UBE2D4: variants seen among roughly 807,000 people sequenced by gnomAD.
UBE2D4 encodes the protein ubiquitin-conjugating enzyme E2 D4.
In UBE2D4, 17 loss-of-function variants were observed where a neutral mutation model predicts 23.0. That is an observed-to-expected ratio of 0.74 (90% CI 0.51 to 1.11). UBE2D4 has a LOEUF of 1.11. Ranked by LOEUF, UBE2D4 falls within the 50% of genes least tolerant of loss-of-function variation. UBE2D4 has a pLI of 0.00. For missense variants in UBE2D4, 139 were observed against 181.8 expected, an observed-to-expected ratio of 0.76 and a Z score of 1.35; for synonymous variants, 61 against 69.4, an observed-to-expected ratio of 0.88 and a Z score of 0.60.
At chr7:43,935,328 T>G (rs1482619640) in intron 1 of UBE2D4, among the ~76,000 whole-genome samples, 3 of 152,174 alleles carry the variant, frequency 2.0e-5, no homozygotes, top group Non-Finnish European at 4.4e-5. Context: ...CCACATAGCT[T>G]TGGAGAGTAT....
intron 4 of UBE2D4, 166 bp from the exon 5 acceptor site, chr7:43,948,466 A>C (rs979672071): frequency 1.7e-6 from 1 of 578,550 alleles, no homozygotes; most frequent in East Asian, 2.8e-5. Flanking sequence ...ACTCACTCCC[A>C]TATCCCATTA....
chr7:43,942,530 C>G (rs2095975403), intron 2 of UBE2D4: 6 of 557,020 alleles, frequency 1.1e-5, no homozygotes, highest in Non-Finnish European at 1.9e-5. Flanking sequence ...AGTAACACAT[C>G]CTGACTCCAC....
At chr7:43,933,017 C>CAG (rs2095950027) in intron 1 of UBE2D4, among the ~76,000 whole-genome samples, 1 of 95,270 alleles carries the variant, frequency 1.0e-5, no homozygotes, top group Admixed American at 1.0e-4. Context: ...TATATATACA[C>CAG]ACACATATAT....
At chr7:43,929,865 C>T (rs2095941652) in intron 1 of UBE2D4, among the ~76,000 whole-genome samples, 1 of 152,200 alleles carries the variant, frequency 6.6e-6, no homozygotes, top group Non-Finnish European at 1.5e-5. Flanking sequence ...TGTGTCAAGC[C>T]TGCCGTGGTG....
chr7:43,935,410 C>A (rs1330597028), intron 1 of UBE2D4, among the ~76,000 whole-genome samples: 1 of 152,036 alleles, frequency 6.6e-6, no homozygotes, highest in African/African-American at 2.4e-5. Flanking sequence ...TACAGAATAC[C>A]ATAAAAGACC....
In UBE2D4 at chr7:43,943,004, T is replaced by C; in HGVS notation, c.171T>C (p.Pro57=). Residue 57 remains proline, a synonymous_variant, in exon 4 of 7, where the codon CCT becomes CCC. Transcript: ENST00000222402. ...GGVFFLTIHF[P]TDYPFKPPKV... is the part of the protein sequence containing the mutation. ...TTTTCTTCCTGACCATCCACTTTCC[T>C]ACAGATTACCCGTTCAAGCCCCCAA... 6.2e-7 allele frequency: 1 copy of C among 1,614,182 alleles called. No individual in the cohort carries two copies. The highest frequency in any genetic ancestry group is 8.5e-7 in the Non-Finnish European group (1 of 1,180,026).
chr7:43,941,975 G>A (rs896365962), intron 2 of UBE2D4: 2 of 152,076 alleles, frequency 1.3e-5, no homozygotes, highest in Admixed American at 6.5e-5. Context: ...CGTAGGGGGC[G>A]ATCTGTAAGA....
intron 2 of UBE2D4, among the ~76,000 whole-genome samples, chr7:43,939,014 A>G (rs75927590): frequency 0.072 from 11,026 of 152,318 alleles, 516 homozygotes; most frequent in Middle Eastern, 0.14. Flanking sequence ...ACTGCCTCTC[A>G]TGTCCCATAG....
chr7:43,942,405 A>G (rs1000831721), intron 2 of UBE2D4: 1 of 312,942 alleles, frequency 3.2e-6, no homozygotes, highest in South Asian at 3.6e-5. Flanking sequence ...GGGCATTCAA[A>G]TAAGTCAGTC....
At position 43,950,709 on chromosome 7, in the gene UBE2D4, G is replaced by C. The variant is rs754828218; in HGVS notation, c.398+17G>C. The C allele has an allele frequency of 2.5e-6, 4 of 1,609,312 alleles. No homozygotes were observed. The South Asian group carries it at 4.4e-5, about 18-fold the overall frequency. On this transcript the variant is annotated intron_variant, in intron 6 of 6. Transcript: ENST00000222402. ...CAGAGAGAAGTACGTGTCCTCTTTG[G>C]GTTGCCTTTGCACCATGGCTGCCCC...
Position 43,948,658 on chromosome 7 carries a change from C to A in UBE2D4, c.225C>A (p.His75Gln). ...TTGCTTTCACAACCAAAATTTATCA[C>A]CCTAATATCAACAGCAATGGCAGCA... ...PKVAFTTKIY[H>Q]PNINSNGSIC... Residue 75 changes from histidine (H) to glutamine (Q), a missense_variant, in exon 5 of 7, where the codon CAC (histidine) becomes CAA (glutamine). Physicochemically the swap from His to Gln is conservative, Grantham distance 24. Coordinates refer to ENST00000222402, the MANE Select transcript of UBE2D4 (RefSeq NM_015983.4). The A allele has an allele frequency of 1.9e-6, 3 of 1,613,072 alleles. No homozygotes were observed. The highest frequency in any genetic ancestry group is 2.5e-6 in the Non-Finnish European group (3 of 1,179,418).
chr7:43,934,625 G>A (rs1373062994), intron 1 of UBE2D4, among the ~76,000 whole-genome samples: 1 of 145,010 alleles, frequency 6.9e-6, no homozygotes, highest in Non-Finnish European at 1.5e-5. Context: ...TCCACCTCCC[G>A]GGCTAAAGCA....
At chr7:43,937,807 T>C (rs1029424086) in intron 1 of UBE2D4, among the ~76,000 whole-genome samples, 1 of 152,132 alleles carries the variant, frequency 6.6e-6, no homozygotes, top group African/African-American at 2.4e-5. Context: ...ATAAAGGGAA[T>C]CTAGTCGTGG....
rs1410123124 is a variant in UBE2D4, at chr7:43,933,021, CATATATAT to C, written c.25-5408_25-5401del. On this transcript the variant is annotated intron_variant, in intron 1 of 6. Coordinates refer to ENST00000222402, the MANE Select transcript of UBE2D4 (RefSeq NM_015983.4). The stretch of plus-strand genomic sequence containing the variant: ...ATATATATATATATATATACACACA[CATATATAT>C]ACACATATGTATGTGTGTATATATA... 6.1e-4 allele frequency among the ~76,000 whole-genome samples: 70 copies of C among 115,002 alleles called. 1 individual carries two copies. Among genetic ancestry groups the C allele is most frequent in the African/African-American group, 2.5e-3 (68 of 27,610 alleles). 75.4% of individuals were successfully genotyped at this position (115,002 alleles called of 152,430 possible).
At chr7:43,940,698 C>A (rs1258349457) in intron 2 of UBE2D4, among the ~76,000 whole-genome samples, 1 of 152,234 alleles carries the variant, frequency 6.6e-6, no homozygotes, top group African/African-American at 2.4e-5. Context: ...ACTCTGCTCT[C>A]AAGCACTGCT....
At chr7:43,945,804 A>G (rs1164840045) in intron 4 of UBE2D4, among the ~76,000 whole-genome samples, 72 of 112,434 alleles carry the variant, frequency 6.4e-4, no homozygotes, top group African/African-American at 2.4e-3. Flanking sequence ...TTTTTTTGAG[A>G]CGGAATCTCG....
chr7:43,928,648 A>G (rs748765709), intron 1 of UBE2D4, among the ~76,000 whole-genome samples: 1 of 152,104 alleles, frequency 6.6e-6, no homozygotes, highest in African/African-American at 2.4e-5. Context: ...ATTAATGACC[A>G]TGGAATGGAT....
chr7:43,948,916 C>T (rs1167818656), intron 5 of UBE2D4, 179 bp downstream of exon 5: 6 of 571,758 alleles, frequency 1.0e-5, no homozygotes, highest in African/African-American at 9.3e-5. Flanking sequence ...ACCAGCAGAA[C>T]TTTGTGCCCC....
chr7:43,945,967 A>G (rs908225398), intron 4 of UBE2D4, among the ~76,000 whole-genome samples: 2 of 151,842 alleles, frequency 1.3e-5, no homozygotes, highest in Non-Finnish European at 2.9e-5. Flanking sequence ...TATTTTTAGT[A>G]GAGACGAGGT....
Sources: gnomAD v4.1 joint callset for allele counts (sites outside exome capture counted in the v4.1 genomes callset) on GRCh38, gnomAD v4.1.1 for gene constraint, MANE v1.5 for transcripts, NCBI Gene and HGNC (gene_info 2026-07-23, HGNC 2026-07-21) for gene names.